The following CACNA2D3 variants were observed in gnomAD, a reference collection of about 807,000 sequenced individuals.
CACNA2D3 encodes calcium voltage-gated channel auxiliary subunit alpha2delta 3.
Under a neutral mutation model 160.6 loss-of-function variants are expected in CACNA2D3, and 60 were observed. The observed-to-expected ratio is 0.37, with a 90% CI of 0.30 to 0.46. The LOEUF (loss-of-function observed/expected upper bound fraction) is 0.46, where lower values mean the gene tolerates loss of function less well. CACNA2D3 is among the 20% of genes least tolerant of loss of function. CACNA2D3 has a pLI of 1.00. For synonymous variants in CACNA2D3, 558 were observed against 492.9 expected, an observed-to-expected ratio of 1.13 and a Z score of -1.75; for missense variants, 1,205 against 1,365.0, an observed-to-expected ratio of 0.88 and a Z score of 1.85.
intron 4 of CACNA2D3, among the ~76,000 whole-genome samples, chr3:54,489,365 T>G (rs941742687): frequency 2.0e-5 from 3 of 152,224 alleles, no homozygotes; most frequent in African/African-American, 7.2e-5. Flanking sequence ...GTCCTCTGCC[T>G]GTCAGTCAGC....
intron 3 of CACNA2D3, among the ~76,000 whole-genome samples, chr3:54,339,909 G>A (rs1704476944): frequency 6.6e-6 from 1 of 152,102 alleles, no homozygotes. Context: ...ACTTTAAAGA[G>A]TAAATATTTA....
chr3:54,641,437 A>G (rs147195725), intron 10 of CACNA2D3, among the ~76,000 whole-genome samples: 2,214 of 152,302 alleles, frequency 0.015, 21 homozygotes, highest in Admixed American at 0.023. Context: ...TGAAGCCTCT[A>G]AGTGGCAGGC....
At chr3:54,709,916 C>A (rs1407741206) in intron 11 of CACNA2D3, among the ~76,000 whole-genome samples, 4 of 152,126 alleles carry the variant, frequency 2.6e-5, no homozygotes, top group Admixed American at 6.5e-5. Flanking sequence ...AAGAGCAAGA[C>A]CCTGTCTCTA....
At chr3:54,879,204 TCTTTA>T (rs1159674895) in intron 19 of CACNA2D3, 115 bp downstream of exon 19, 3 of 851,628 alleles carry the variant, frequency 3.5e-6, no homozygotes, top group Admixed American at 5.5e-5. Context: ...TTTTCTCTTG[TCTTTA>T]CTTATCTCAA....
intron 17 of CACNA2D3, among the ~76,000 whole-genome samples, chr3:54,847,746 G>A (rs894199883): frequency 8.5e-5 from 13 of 152,164 alleles, no homozygotes; most frequent in Non-Finnish European, 1.3e-4. Flanking sequence ...TTGAAAAAGC[G>A]GCTGTCTTTT....
chr3:54,472,286 A>G (rs1230810505), intron 4 of CACNA2D3, among the ~76,000 whole-genome samples: 1 of 152,254 alleles, frequency 6.6e-6, no homozygotes, highest in Non-Finnish European at 1.5e-5. Context: ...AACAGAACCA[A>G]TGACAAAAAC....
intron 2 of CACNA2D3, among the ~76,000 whole-genome samples, chr3:54,186,731 G>GA (rs61058248): frequency 0.041 from 6,133 of 149,846 alleles, 193 homozygotes; most frequent in African/African-American, 0.082. Context: ...TATGTCTTCT[G>GA]AAAAAAAAAA....
intron 11 of CACNA2D3, among the ~76,000 whole-genome samples, chr3:54,722,506 T>C (rs920036659): frequency 6.6e-6 from 1 of 152,206 alleles, no homozygotes; most frequent in Non-Finnish European, 1.5e-5. Context: ...TTTTTGGAAT[T>C]TTCAGCCTTT....
chr3:54,490,158 A>G (rs1701085298), intron 4 of CACNA2D3, among the ~76,000 whole-genome samples: 1 of 152,340 alleles, frequency 6.6e-6, no homozygotes, highest in East Asian at 1.9e-4. Flanking sequence ...ACAATAAGGA[A>G]AAAAGGAGAA....
At chr3:55,007,902 A>T in intron 33 of CACNA2D3, 60 bp downstream of exon 33, 2 of 1,163,942 alleles carry the variant, frequency 1.7e-6, no homozygotes, top group Non-Finnish European at 2.4e-6. Context: ...TTGTATCATA[A>T]AGTGATCTAA....
chr3:54,451,823 G>A (rs890995186), intron 4 of CACNA2D3, among the ~76,000 whole-genome samples: 6 of 152,086 alleles, frequency 3.9e-5, no homozygotes, highest in African/African-American at 1.4e-4. Flanking sequence ...TATAAGTTCT[G>A]CTTTCTACCC....
At chr3:54,652,390 T>C (rs533397563) in intron 11 of CACNA2D3, among the ~76,000 whole-genome samples, 6 of 152,198 alleles carry the variant, frequency 3.9e-5, no homozygotes, top group South Asian at 2.1e-4. Flanking sequence ...AGATAACAGA[T>C]CACAGGTAAC....
chr3:54,704,487 T>G (rs1433713418), intron 11 of CACNA2D3, among the ~76,000 whole-genome samples: 1 of 152,148 alleles, frequency 6.6e-6, no homozygotes, highest in East Asian at 1.9e-4. Flanking sequence ...GGTTTTTGCC[T>G]TTTCCCTGTG....
At chr3:54,796,285 G>A (rs770603630) in intron 13 of CACNA2D3, among the ~76,000 whole-genome samples, 11 of 152,170 alleles carry the variant, frequency 7.2e-5, no homozygotes, top group Non-Finnish European at 1.2e-4. Flanking sequence ...CATTTGCAGA[G>A]TGAAGATGAT....
At chr3:54,764,885 T>C (rs1702189098) in intron 13 of CACNA2D3, among the ~76,000 whole-genome samples, 1 of 152,190 alleles carries the variant, frequency 6.6e-6, no homozygotes, top group African/African-American at 2.4e-5. Context: ...GGGCCCATTC[T>C]AAAGCCGAAT....
At chr3:54,912,595 C>T (rs943934241) in intron 27 of CACNA2D3, among the ~76,000 whole-genome samples, 10 of 152,096 alleles carry the variant, frequency 6.6e-5, no homozygotes, top group Admixed American at 2.0e-4. Flanking sequence ...TCATTTCCTT[C>T]AGGTCTCTCC....
chr3:54,386,869 G>A (rs1368001077), intron 4 of CACNA2D3, 95 bp downstream of exon 4: 14 of 1,147,554 alleles, frequency 1.2e-5, no homozygotes, highest in East Asian at 2.6e-5. Flanking sequence ...TCAGTGATTG[G>A]GAGGGAGAGG....
intron 2 of CACNA2D3, among the ~76,000 whole-genome samples, chr3:54,139,710 A>G (rs746788953): frequency 2.6e-5 from 4 of 152,368 alleles, no homozygotes; most frequent in Non-Finnish European, 5.9e-5. Flanking sequence ...TGTTGACTTA[A>G]TAACATGCCT....
intron 11 of CACNA2D3, among the ~76,000 whole-genome samples, chr3:54,643,147 C>T (rs1699560683): frequency 6.6e-6 from 1 of 152,146 alleles, no homozygotes; most frequent in South Asian, 2.1e-4. Context: ...GTACACGAGT[C>T]AGTCCAGGCC....
Sources: allele counts gnomAD v4.1 joint callset (sites outside exome capture counted in the v4.1 genomes callset), GRCh38; gene constraint gnomAD v4.1.1; transcripts MANE v1.5; gene names NCBI Gene and HGNC (gene_info 2026-07-23, HGNC 2026-07-21).